The following PLCL1 variants were observed in gnomAD, a reference collection of about 807,000 sequenced individuals.
The protein encoded by PLCL1 is phospholipase C like 1 (inactive).
In PLCL1, 41 loss-of-function variants were observed where a neutral mutation model predicts 84.4. That is an observed-to-expected ratio of 0.49 (90% CI 0.38 to 0.63). The LOEUF is 0.63. Ranked by LOEUF, PLCL1 falls within the 30% of genes least tolerant of loss-of-function variation. PLCL1 has a pLI of 0.00. For synonymous variants in PLCL1, 490 were observed against 488.3 expected (o/e 1.00, Z -0.05); for missense variants, 1,206 against 1,367.8 (o/e 0.88, Z 1.87).
At chr2:198,057,858 GT>G (rs1379006148) in intron 1 of PLCL1, among the ~76,000 whole-genome samples, 1 of 152,208 alleles carries the variant, frequency 6.6e-6, no homozygotes, top group Non-Finnish European at 1.5e-5. Flanking sequence ...GAGAAGTATA[GT>G]TTCCTAAAAC....
chr2:197,967,304 C>A (rs1689763649), intron 1 of PLCL1, among the ~76,000 whole-genome samples: 1 of 152,196 alleles, frequency 6.6e-6, no homozygotes, highest in African/African-American at 2.4e-5. Context: ...TCAAGCAATT[C>A]TCCTGCCTCA....
At chr2:198,014,620 A>G (rs937056044) in intron 1 of PLCL1, among the ~76,000 whole-genome samples, 4 of 152,044 alleles carry the variant, frequency 2.6e-5, no homozygotes, top group Non-Finnish European at 1.5e-5. Flanking sequence ...GCTGAAAAAT[A>G]TATAATACTG....
At chr2:197,808,847 C>A (rs1395882675) in intron 1 of PLCL1, among the ~76,000 whole-genome samples, 1 of 152,032 alleles carries the variant, frequency 6.6e-6, no homozygotes. Context: ...TACTTTTTTT[C>A]AACTTCCTTT....
chr2:198,073,833 T>G (rs1288550924), intron 1 of PLCL1, among the ~76,000 whole-genome samples: 2 of 152,340 alleles, frequency 1.3e-5, no homozygotes, highest in African/African-American at 4.8e-5. Flanking sequence ...AATGGTAGAA[T>G]AGACTTCTCC....
At chr2:197,938,721 T>C (rs1271674975) in intron 1 of PLCL1, among the ~76,000 whole-genome samples, 1 of 152,132 alleles carries the variant, frequency 6.6e-6, no homozygotes. Context: ...CACACAGCTG[T>C]TTAGTGGCAG....
At chr2:198,119,189 C>A (rs1481779379) in intron 5 of PLCL1, among the ~76,000 whole-genome samples, 3 of 151,658 alleles carry the variant, frequency 2.0e-5, no homozygotes, top group African/African-American at 7.3e-5. Context: ...AATATCAAGT[C>A]CTCTTTTCAA....
At chr2:198,063,556 G>C (rs1055366209) in intron 1 of PLCL1, among the ~76,000 whole-genome samples, 1 of 152,180 alleles carries the variant, frequency 6.6e-6, no homozygotes, top group Non-Finnish European at 1.5e-5. Context: ...TTGAGATTCT[G>C]AAAGTTCAGA....
At chr2:197,968,714 AT>A (rs547375241) in intron 1 of PLCL1, among the ~76,000 whole-genome samples, 337 of 152,294 alleles carry the variant, frequency 2.2e-3, no homozygotes, top group Non-Finnish European at 3.4e-3. Flanking sequence ...TGATTAGGAA[AT>A]TAAAATTGTT....
At chr2:197,829,462 C>T (rs1265790256) in intron 1 of PLCL1, among the ~76,000 whole-genome samples, 2 of 152,046 alleles carry the variant, frequency 1.3e-5, no homozygotes, top group Non-Finnish European at 2.9e-5. Context: ...TGAATTTATG[C>T]ATCGTTAAAA....
intron 1 of PLCL1, among the ~76,000 whole-genome samples, chr2:197,816,428 T>A (rs1423534601): frequency 6.6e-6 from 1 of 152,104 alleles, no homozygotes; most frequent in Admixed American, 6.6e-5. Flanking sequence ...AACAAAAAAA[T>A]TTGTGTGACT....
Position 197,857,689 on chromosome 2 carries a change from A to T in PLCL1, c.240+52350A>T, listed in dbSNP as rs16824884. ...GGTCTAGCTGAACACAGAATGATTA[A>T]TTACAAGTTATTAAAGCATGGTTTC... is the stretch of plus-strand genomic sequence containing the variant. On this transcript the variant is annotated intron_variant, in intron 1 of 5. Coordinates refer to ENST00000428675, the MANE Select transcript of PLCL1 (RefSeq NM_006226.4). 4.2e-3 allele frequency among the ~76,000 whole-genome samples: 640 copies of T among 152,284 alleles called. 4 individuals carry two copies. The highest frequency in any genetic ancestry group is 0.017 in the Middle Eastern group (5 of 294).
At chr2:197,997,806 G>A (rs989718447) in intron 1 of PLCL1, among the ~76,000 whole-genome samples, 7 of 152,180 alleles carry the variant, frequency 4.6e-5, no homozygotes, top group African/African-American at 1.4e-4. Context: ...TGTGGCCCAT[G>A]TGGTGACATT....
At chr2:197,950,941 C>A (rs1180197959) in intron 1 of PLCL1, among the ~76,000 whole-genome samples, 1 of 152,046 alleles carries the variant, frequency 6.6e-6, no homozygotes, top group Non-Finnish European at 1.5e-5. Flanking sequence ...ATAATTCTCG[C>A]CTGAGGGCTG....
intron 5 of PLCL1, 122 bp downstream of exon 5, chr2:198,104,058 T>A (rs1201481169): frequency 6.0e-6 from 3 of 503,724 alleles, no homozygotes; most frequent in Non-Finnish European, 1.1e-5. Flanking sequence ...CACTTTAGAT[T>A]CAGGGTTACA....
chr2:198,029,259 C>T (rs1691347818), intron 1 of PLCL1, among the ~76,000 whole-genome samples: 1 of 152,190 alleles, frequency 6.6e-6, no homozygotes. Flanking sequence ...TTATTTACTA[C>T]ATTGTATAGG....
chr2:198,066,741 C>T (rs542808908), intron 1 of PLCL1, among the ~76,000 whole-genome samples: 131 of 152,194 alleles, frequency 8.6e-4, no homozygotes, highest in African/African-American at 3.0e-3. Context: ...GCTGTAGGGG[C>T]CTGTGTTAGT....
rs544078054 is a variant in PLCL1, at chr2:197,919,010, C to T, written c.240+113671C>T. ...ACACACACAAAGTAAAATAATGACT[C>T]ACATACAGATATAAAAATTATTATA... On this transcript the variant is annotated intron_variant, in intron 1 of 5. Coordinates refer to ENST00000428675, the MANE Select transcript of PLCL1 (RefSeq NM_006226.4). 7.3e-4 allele frequency among the ~76,000 whole-genome samples: 110 copies of T among 151,416 alleles called. 1 individual carries two copies. The highest frequency in any genetic ancestry group is 2.6e-3 in the African/African-American group (108 of 41,292).
intron 1 of PLCL1, among the ~76,000 whole-genome samples, chr2:198,060,489 C>T (rs542202185): frequency 1.3e-5 from 2 of 152,288 alleles, no homozygotes; most frequent in South Asian, 4.1e-4. Context: ...ATGAATTTTC[C>T]TGCTGAGCTG....
chr2:198,136,355 G>A (rs140389999), intron 5 of PLCL1, among the ~76,000 whole-genome samples: 58 of 152,196 alleles, frequency 3.8e-4, no homozygotes, highest in Admixed American at 2.2e-3. Context: ...GGAAACTGAG[G>A]CACCCAGTGA....
Sources: allele counts gnomAD v4.1 joint callset (sites outside exome capture counted in the v4.1 genomes callset), GRCh38; gene constraint gnomAD v4.1.1; transcripts MANE v1.5; gene names NCBI Gene and HGNC (gene_info 2026-07-23, HGNC 2026-07-21).